Variants in MYLIP observed in about 807,000 individuals in gnomAD.
MYLIP encodes myosin regulatory light chain interacting protein.
Under a neutral mutation model 45.8 loss-of-function variants are expected in MYLIP, and 26 were observed. The observed-to-expected ratio is 0.57, with a 90% CI of 0.42 to 0.79. The LOEUF (loss-of-function observed/expected upper bound fraction) is 0.79. Ranked by LOEUF, MYLIP falls within the 30% of genes least tolerant of loss-of-function variation. MYLIP has a pLI of 0.00. For synonymous variants in MYLIP, 213 were observed against 218.1 expected (o/e 0.98, Z 0.21); for missense variants, 494 against 555.6 (o/e 0.89, Z 1.11).
the MYLIP span, among the ~76,000 whole-genome samples, chr6:16,160,026 C>T: frequency 6.6e-6 from 1 of 152,190 alleles, no homozygotes; most frequent in African/African-American, 2.4e-5. Flanking sequence ...TTAGGCATTG[C>T]CTGCTCACCC....
chr6:16,129,418 G>T lies in MYLIP; in HGVS notation c.87+9G>T. 6.3e-7 allele frequency: 1 copy of T among 1,576,554 alleles called. No homozygotes were observed. Among genetic ancestry groups the T allele is most frequent in the African/African-American group, 1.4e-5 (1 of 74,068 alleles). ...AGGACTGCCTCAACCAGGTGAGGGCGAGGGGCAAGAAGGGGCCCCGGCGGG... is the reference window on the plus strand; with the variant it reads ...AGGACTGCCTCAACCAGGTGAGGGCTAGGGGCAAGAAGGGGCCCCGGCGGG... On this transcript the variant is annotated intron_variant, in intron 1 of 6. Coordinates refer to ENST00000356840, the MANE Select transcript of MYLIP (RefSeq NM_013262.4). The surrounding 1 kb of genome is among the most constrained non-coding windows in gnomAD (Gnocchi z 5.1).
At chr6:16,132,276 A>C (rs1759473392) in intron 2 of MYLIP, among the ~76,000 whole-genome samples, 1 of 152,198 alleles carries the variant, frequency 6.6e-6, no homozygotes, top group Admixed American at 6.5e-5. Context: ...ATTGACTAGT[A>C]GATGGTCTCT....
chr6:16,161,705 G>T, the MYLIP span, among the ~76,000 whole-genome samples: 1 of 152,106 alleles, frequency 6.6e-6, no homozygotes, highest in African/African-American at 2.4e-5. Flanking sequence ...GTTCATTTTT[G>T]ATTTACGTTT....
downstream of MYLIP, among the ~76,000 whole-genome samples, chr6:16,152,441 A>G (rs1372507713): frequency 6.6e-6 from 1 of 152,206 alleles, no homozygotes; most frequent in Admixed American, 6.5e-5. Context: ...CAAGGGTCAC[A>G]ATGCGGGTAG....
downstream of MYLIP, among the ~76,000 whole-genome samples, chr6:16,153,095 C>T (rs1424307894): frequency 6.6e-6 from 1 of 152,208 alleles, no homozygotes; most frequent in East Asian, 1.9e-4. Context: ...TCACTGCACT[C>T]TTTTCTCTTG....
At chr6:16,158,880 A>C in the MYLIP span, among the ~76,000 whole-genome samples, 8 of 152,158 alleles carry the variant, frequency 5.3e-5, no homozygotes, top group Non-Finnish European at 7.4e-5. Flanking sequence ...AAAACAAAAC[A>C]AAACAAAACA....
intron 2 of MYLIP, among the ~76,000 whole-genome samples, chr6:16,138,639 A>G (rs1472170936): frequency 6.6e-6 from 1 of 152,304 alleles, no homozygotes; most frequent in East Asian, 1.9e-4. Flanking sequence ...CTGTAAGTCC[A>G]TCTAAAAAGG....
At position 16,145,333 on chromosome 6, in the gene MYLIP, G is replaced by A. The variant is rs773835321; in HGVS notation, c.1248+16G>A. 1.1e-4 allele frequency: 171 copies of A among 1,556,034 alleles called. No homozygotes were observed. Among genetic ancestry groups the A allele is most frequent in the South Asian group, 6.5e-4 (54 of 83,274 alleles). On this transcript the variant is annotated intron_variant, in intron 6 of 6. Transcript: ENST00000356840. Reference sequence around the variant, plus strand: ...CCAGCTACAGGTAGGGGAGTCAGCTGCCCACTTTTGCCTGCAGCCTCACCT... The same window carrying A: ...CCAGCTACAGGTAGGGGAGTCAGCTACCCACTTTTGCCTGCAGCCTCACCT...
rs1759764675 is a variant in MYLIP at position 16,145,239 on chromosome 6, C to T, written c.1170C>T (p.Cys390=). The T allele has an allele frequency of 6.2e-7, 1 of 1,613,758 alleles. No homozygotes were observed. The highest frequency in any genetic ancestry group is 1.3e-5 in the African/African-American group (1 of 74,934). ...AGGAAGCCATGCTGTGCATGGTGTGCTGCGAGGAGGAGATCAACTCCACCT... is the reference window on the plus strand; with the variant it reads ...AGGAAGCCATGCTGTGCATGGTGTGTTGCGAGGAGGAGATCAACTCCACCT... ...KLKEAMLCMV[C]CEEEINSTFC... Residue 390 remains cysteine, a synonymous_variant, in exon 6 of 7, where the codon TGC becomes TGT. Transcript: ENST00000356840.
At chr6:16,138,383 G>A (rs1193640474) in intron 2 of MYLIP, among the ~76,000 whole-genome samples, 2 of 152,074 alleles carry the variant, frequency 1.3e-5, no homozygotes, top group East Asian at 3.9e-4. Flanking sequence ...TGGTTTGAGG[G>A]GAAAATACTA....
chr6:16,142,521 C>G (rs1353183075), intron 3 of MYLIP, among the ~76,000 whole-genome samples: 5 of 152,188 alleles, frequency 3.3e-5, no homozygotes, highest in African/African-American at 1.2e-4. Flanking sequence ...AGGAATCTGG[C>G]CATGTCTTGG....
Position 16,129,451 on chromosome 6 carries a change from A to T in MYLIP, c.87+42A>T. ...AGAAGGGGCCCCGGCGGGTCCCGCG[A>T]GGCCGAGGGGCCTCGCAGCGACGCC... On this transcript the variant is annotated intron_variant, in intron 1 of 6. Transcript: ENST00000356840. The surrounding 1 kb of genome is among the most constrained non-coding windows in gnomAD (Gnocchi z 5.1). 1.3e-6 allele frequency: 2 copies of T among 1,508,064 alleles called. No homozygotes were observed. Among genetic ancestry groups the T allele is most frequent in the Admixed American group, 2.0e-5 (1 of 50,228 alleles). The allele number at this position is 1,508,064 out of a possible 1,614,324, so 93.4% of individuals were successfully genotyped here.
rs779494164 is a variant in MYLIP, at chr6:16,143,078, G to A, written c.523G>A (p.Val175Ile). 1 of 1,614,200 alleles carries A rather than the reference G, an allele frequency of 6.2e-7. No homozygotes were observed. The highest frequency in any genetic ancestry group is 1.1e-5 in the South Asian group (1 of 91,086). ...GTSQASAEYQ[V>I]LQIVSAMENY... Reference sequence around the variant, plus strand: ...CAGCCAGGCTTCAGCTGAATACCAAGTTTTGCAGATTGTGTCGGCAATGGA... The same window carrying A: ...CAGCCAGGCTTCAGCTGAATACCAAATTTTGCAGATTGTGTCGGCAATGGA... Residue 175 changes from valine to isoleucine, a missense_variant, in exon 4 of 7, where the codon GTT becomes ATT. Physicochemically the swap from Val to Ile is conservative, Grantham distance 29. Coordinates refer to ENST00000356840, the MANE Select transcript of MYLIP (RefSeq NM_013262.4).
chr6:16,156,307 C>T, the MYLIP span, among the ~76,000 whole-genome samples: 3 of 152,194 alleles, frequency 2.0e-5, no homozygotes, highest in Non-Finnish European at 4.4e-5. Flanking sequence ...TCACCAGGGA[C>T]CCGACCTCTT....
chr6:16,133,633 T>G (rs1160078167), intron 2 of MYLIP, among the ~76,000 whole-genome samples: 1 of 152,232 alleles, frequency 6.6e-6, no homozygotes, highest in South Asian at 2.1e-4. Flanking sequence ...TCAAAGGCTT[T>G]GAGTTTACTG....
chr6:16,148,770 C>A (rs1220086829), downstream of MYLIP, among the ~76,000 whole-genome samples: 1 of 152,164 alleles, frequency 6.6e-6, no homozygotes, highest in Non-Finnish European at 1.5e-5. Flanking sequence ...TGTATTCCTG[C>A]AGGACTGCTG....
the MYLIP span, among the ~76,000 whole-genome samples, chr6:16,161,782 T>A: frequency 6.6e-6 from 1 of 152,246 alleles, no homozygotes; most frequent in East Asian, 1.9e-4. Context: ...GTACAATTTA[T>A]ACCACATTTG....
At chr6:16,143,551 A>G in intron 4 of MYLIP, 148 bp from the exon 5 acceptor site, 1 of 821,732 alleles carries the variant, frequency 1.2e-6, no homozygotes, top group Non-Finnish European at 1.9e-6. Context: ...TCTTTACAAT[A>G]AGGCAGCATT....
At position 16,130,652 on chromosome 6, in the gene MYLIP, G is replaced by C. The variant is rs145437840; in HGVS notation, c.183G>C (p.Arg61=). The change falls in exon 2 of 7, where the codon CGG becomes CGC. Residue 61 remains arginine, a synonymous_variant. Coordinates refer to ENST00000356840, the MANE Select transcript of MYLIP (RefSeq NM_013262.4). ...GTTTATGGCTAAACCTGAGAAACCG[G>C]ATCTCCCAGCAGATGGATGGGCTAG... ...GESLWLNLRN[R]ISQQMDGLAP... 31 of 1,614,074 alleles carry C rather than the reference G, an allele frequency of 1.9e-5. No homozygotes were observed. Among genetic ancestry groups the C allele is most frequent in the Non-Finnish European group, 2.6e-5 (31 of 1,180,040 alleles).
Sources: allele counts gnomAD v4.1 joint callset (sites outside exome capture counted in the v4.1 genomes callset), GRCh38; gene constraint gnomAD v4.1.1; non-coding constraint Gnocchi (gnomAD v3.1); transcripts MANE v1.5; gene names NCBI Gene and HGNC (gene_info 2026-07-23, HGNC 2026-07-21).